The following MTA2 variants were observed in gnomAD, a reference collection of about 807,000 sequenced individuals.
MTA2 encodes metastasis associated 1 family member 2.
A neutral mutation model predicts 87.1 loss-of-function variants in MTA2; 22 were observed. The ratio of observed to expected loss-of-function variants is 0.25; its 90% CI spans 0.18 to 0.36. The LOEUF (loss-of-function observed/expected upper bound fraction) is 0.36, where lower values mean the gene tolerates loss of function less well. Among genes scored for constraint, MTA2 ranks in the 10% least tolerant of loss-of-function variants. The pLI is 1.00. For missense variants in MTA2, 542 were observed against 853.2 expected, an observed-to-expected ratio of 0.64 and a Z score of 4.54; for synonymous variants, 314 against 310.1, an observed-to-expected ratio of 1.01 and a Z score of -0.13.
chr11:62,597,586 C>A, intron 7 of MTA2, 24 bp downstream of exon 7: 1 of 1,607,376 alleles, frequency 6.2e-7, no homozygotes, highest in South Asian at 1.1e-5. Flanking sequence ...CCCAGCCCAT[C>A]TTCCCTATCC....
At position 62,597,445 on chromosome 11, in the gene MTA2, A is replaced by AAAGAAAAGTCAAAAGCCC. The variant is rs1565044884; in HGVS notation, c.594-48_594-31dup. Reference sequence around the variant, plus strand: ...GGGAGAAATTGAGAAGTCAAAAGCGAAAGAAAAGTCAAAAGCCCAAGTGGG... The same window carrying AAAGAAAAGTCAAAAGCCC: ...GGGAGAAATTGAGAAGTCAAAAGCGAAAGAAAAGTCAAAAGCCCAAGAAAAGTCAAAAGCCCAAGTGGG... On this transcript the variant is annotated intron_variant, in intron 7 of 17. Coordinates refer to ENST00000278823, the MANE Select transcript of MTA2 (RefSeq NM_004739.4). The AAAGAAAAGTCAAAAGCCC allele has an allele frequency of 1.9e-6, 3 of 1,597,032 alleles. No individual in the cohort carries two copies. The East Asian group carries it at 6.7e-5, about 36-fold the overall frequency.
chr11:62,596,907 C>A (rs892820212), intron 8 of MTA2, 82 bp from the exon 9 acceptor site: 2 of 1,407,482 alleles, frequency 1.4e-6, no homozygotes, highest in Admixed American at 4.4e-5. Context: ...CTCCCACTCC[C>A]GGCCGGGCGC....
chr11:62,600,501 C>T lies in MTA2; in HGVS notation c.96+121G>A, dbSNP rs546161665. On this transcript the variant is annotated intron_variant, in intron 2 of 17. Coordinates refer to ENST00000278823, the MANE Select transcript of MTA2 (RefSeq NM_004739.4). ...CTCAATAGCCTTTCCTGAATACATCCAATGAATGAATGAACGAATATGAAT... is the reference window on the plus strand; with the variant it reads ...CTCAATAGCCTTTCCTGAATACATCTAATGAATGAATGAACGAATATGAAT... The T allele has an allele frequency of 9.2e-6, 9 of 979,020 alleles. No individual in the cohort carries two copies. In the East Asian group the frequency reaches 1.6e-4, roughly 17 times the overall value. 60.6% of individuals were successfully genotyped at this position (979,020 alleles called of 1,614,324 possible).
At position 62,596,302 on chromosome 11, in the gene MTA2, C is replaced by T. The variant is rs374536503; in HGVS notation, c.993G>A (p.Leu331=). Residue 331 remains leucine, a synonymous_variant, in exon 11 of 18, where the codon CTG becomes CTA. Transcript: ENST00000278823. ...RLKAAEADSK[L]KQVYIPTYTK... The stretch of plus-strand genomic sequence containing the variant: ...ACTAGGTGGGAATGTAGACCTGTTT[C>T]AGTTTGCTGTCTGCTTCAGCAGCTT... 23 of 1,614,150 alleles carry T rather than the reference C, an allele frequency of 1.4e-5. No individual in the cohort carries two copies. Among genetic ancestry groups the T allele is most frequent in the Non-Finnish European group, 1.9e-5 (23 of 1,180,032 alleles).
chr11:62,593,437 A>AC lies in MTA2; in HGVS notation c.*437_*438insG, dbSNP rs1942050814. The AC allele has an allele frequency of 8.0e-6, 1 of 124,262 alleles. No homozygotes were observed. The highest frequency in any genetic ancestry group is 8.3e-5 in the Admixed American group (1 of 11,986). 7.7% of individuals were successfully genotyped at this position (124,262 alleles called of 1,614,324 possible). ...CGGACAGAAAGAGAAACCCCCAATT[A>AC]GGAAAAAAAAAAAAAAAAAAAAAAA... On this transcript the variant is annotated 3_prime_UTR_variant, in exon 18 of 18. Transcript: ENST00000278823.
intron 2 of MTA2, 33 bp from the exon 3 acceptor site, chr11:62,600,292 C>T: frequency 3.2e-6 from 5 of 1,573,262 alleles, no homozygotes; most frequent in Non-Finnish European, 3.5e-6. Context: ...AACAAAACAA[C>T]GTAGCAGTGG....
intron 3 of MTA2, among the ~76,000 whole-genome samples, chr11:62,599,880 C>G (rs907747320): frequency 6.6e-6 from 1 of 152,194 alleles, no homozygotes; most frequent in African/African-American, 2.4e-5. Context: ...AAACTGCCCC[C>G]CTTTAGAAAA....
Position 62,595,547 on chromosome 11 carries a change from T to A in MTA2, c.1255-55A>T. ...GCAGAAATCAGCACTGAGGCTCCCT[T>A]CTTTCTTCCATTCCCTGCAGGGGAC... On this transcript the variant is annotated intron_variant, in intron 13 of 17. Transcript: ENST00000278823. The surrounding 1 kb of genome is among the most constrained non-coding windows in gnomAD (Gnocchi z 4.9). 6.3e-7 allele frequency: 1 copy of A among 1,590,170 alleles called. No individual in the cohort carries two copies. Among genetic ancestry groups the A allele is most frequent in the Non-Finnish European group, 8.6e-7 (1 of 1,161,282 alleles).
intron 15 of MTA2, among the ~76,000 whole-genome samples, 160 bp downstream of exon 15, chr11:62,594,821 A>G (rs11231154): frequency 0.26 from 38,990 of 152,088 alleles, 5,952 homozygotes; most frequent in Non-Finnish European, 0.36. Context: ...GTACAGTAAT[A>G]CTGAATAGTT....
Position 62,595,476 on chromosome 11 carries a change from C to A in MTA2, c.1271G>T (p.Gly424Val). Residue 424 changes from glycine to valine, a missense_variant, in exon 14 of 18, where the codon GGT (glycine) becomes GTT (valine). Transcript: ENST00000278823. This position sits in a 1 kb window ranked among gnomAD's most constrained non-coding sequence, Gnocchi z 4.9. ...TRGTTEPHSR[G>V]HLSRPEAQSL... ...TTGAGCTTCAGGTCTGGATAAATGA[C>A]CCCTTGAGTGTGGCTCCTAGAAGAA... 1 of 1,614,158 alleles carries A rather than the reference C, an allele frequency of 6.2e-7. No individual in the cohort carries two copies. The highest frequency in any genetic ancestry group is 8.5e-7 in the Non-Finnish European group (1 of 1,180,036).
At chr11:62,596,413 G>A (rs1444721576) in intron 10 of MTA2, 45 bp downstream of exon 10, 4 of 1,612,556 alleles carry the variant, frequency 2.5e-6, no homozygotes, top group Admixed American at 1.7e-5. Flanking sequence ...AAAGGCAGAG[G>A]TCAGCAGGTA....
In MTA2 at chr11:62,595,849, A is replaced by G; in HGVS notation, c.1157T>C (p.Met386Thr). The G allele has an allele frequency of 6.2e-7, 1 of 1,614,186 alleles. No individual in the cohort carries two copies. The highest frequency in any genetic ancestry group is 8.5e-7 in the Non-Finnish European group (1 of 1,180,038). Reference protein sequence around the residue: ...AQWYAWGPPNMQCRLCASCWI... With the variant: ...AQWYAWGPPNTQCRLCASCWI... ...ACAGGAAGCACAGAGGCGGCACTGC[A>G]TGTTAGGTGGGCCCCAGGCATACCA... The change falls in exon 13 of 18, where the codon ATG (methionine) becomes ACG (threonine). Residue 386 changes from methionine (M) to threonine (T), a missense_variant. Physicochemically the swap from Met to Thr is moderately conservative, Grantham distance 81. Transcript: ENST00000278823. The surrounding 1 kb of genome is among the most constrained non-coding windows in gnomAD (Gnocchi z 4.9).
chr11:62,596,224 C>G, intron 11 of MTA2, 55 bp downstream of exon 11: 1 of 1,602,932 alleles, frequency 6.2e-7, no homozygotes, highest in Non-Finnish European at 8.5e-7. Context: ...GAGGAAGGCA[C>G]AAGTTAGGGG....
intron 10 of MTA2, 36 bp from the exon 11 acceptor site, chr11:62,596,373 C>G (rs780950613): frequency 6.2e-7 from 1 of 1,613,734 alleles, no homozygotes; most frequent in Non-Finnish European, 8.5e-7. Context: ...AGGATCAGAG[C>G]CTCATAGCAG....
At chr11:62,594,927 G>T in intron 15 of MTA2, 54 bp downstream of exon 15, 1 of 1,493,632 alleles carries the variant, frequency 6.7e-7, no homozygotes, top group Non-Finnish European at 9.2e-7. Context: ...AGAGATGTCA[G>T]ACAGGGAAAG....
rs1312656257 is a variant in MTA2, at chr11:62,595,641, C to T, written c.1254+111G>A. On this transcript the variant is annotated intron_variant, in intron 13 of 17. Transcript: ENST00000278823. The surrounding 1 kb of genome is among the most constrained non-coding windows in gnomAD (Gnocchi z 4.9). ...TGTCTCCCCAACCAGCATCAAGCAC[C>T]CCGTCCATCAAACCATCACCATATA... 7 of 1,540,014 alleles carry T rather than the reference C, an allele frequency of 4.5e-6. No homozygotes were observed. The highest frequency in any genetic ancestry group is 5.3e-6 in the Non-Finnish European group (6 of 1,132,468).
Position 62,593,874 on chromosome 11 carries a change from C to G in MTA2, c.*1G>C, listed in dbSNP as rs749346260. On this transcript the variant is annotated 3_prime_UTR_variant, in exon 18 of 18. Coordinates refer to ENST00000278823, the MANE Select transcript of MTA2 (RefSeq NM_004739.4). ...AGCCCACCTCCCTTCCCCACAGGTGCTCAGTCCTCCAGGACAATAGGCTCA... is the reference window on the plus strand; with the variant it reads ...AGCCCACCTCCCTTCCCCACAGGTGGTCAGTCCTCCAGGACAATAGGCTCA... 19 of 1,614,192 alleles carry G rather than the reference C, an allele frequency of 1.2e-5. No individual in the cohort carries two copies. In the East Asian group the frequency reaches 4.2e-4, roughly 36 times the overall value.
chr11:62,595,245 C>T lies in MTA2; in HGVS notation c.1483+19G>A. ...GCAATCCGAAACCCACCACCAGTCC[C>T]ACCACTCCCTGCCCTTACACTCTGC... On this transcript the variant is annotated intron_variant, in intron 14 of 17. Coordinates refer to ENST00000278823, the MANE Select transcript of MTA2 (RefSeq NM_004739.4). This position sits in a 1 kb window ranked among gnomAD's most constrained non-coding sequence, Gnocchi z 4.9. The T allele has an allele frequency of 1.2e-6, 2 of 1,610,588 alleles. No homozygotes were observed. The highest frequency in any genetic ancestry group is 1.7e-6 in the Non-Finnish European group (2 of 1,176,960).
chr11:62,594,349 C>T lies in MTA2; in HGVS notation c.1751G>A (p.Arg584His), dbSNP rs368801486. Residue 584 changes from arginine (R) to histidine (H), a missense_variant, in exon 17 of 18, where the codon CGT becomes CAT. Physicochemically the swap from Arg to His is conservative, Grantham distance 29 (BLOSUM62 0). Transcript: ENST00000278823. ...ANGRPLASGI[R>H]SSSQPAAKRQ... is the part of the protein sequence containing the mutation. ...CTTGGCTGCTGGCTGTGAGCTTGAA[C>T]GAATCCCTGAAGCCAGAGGCCTTCC... The T allele has an allele frequency of 7.4e-6, 12 of 1,614,056 alleles. No homozygotes were observed. The highest frequency in any genetic ancestry group is 6.7e-5 in the Admixed American group (4 of 59,998).
Sources: allele counts gnomAD v4.1 joint callset (sites outside exome capture counted in the v4.1 genomes callset), GRCh38; gene constraint gnomAD v4.1.1; non-coding constraint Gnocchi (gnomAD v3.1); transcripts MANE v1.5; gene names NCBI Gene and HGNC (gene_info 2026-07-23, HGNC 2026-07-21).